Variants in TP63 observed in about 807,000 individuals in gnomAD.
TP63 encodes the protein tumor protein p63, also known as tumor protein 63.
Under a neutral mutation model 82.8 loss-of-function variants are expected in TP63, and 17 were observed. That is an observed-to-expected ratio of 0.21 (90% CI 0.14 to 0.31). TP63 has a LOEUF of 0.31. Ranked by LOEUF, TP63 falls within the 10% of genes least tolerant of loss-of-function variation. The probability of loss-of-function intolerance (pLI) is 1.00; values close to 1 mark genes in which losing one functional copy is unlikely to be tolerated. For synonymous variants in TP63, 330 were observed against 321.7 expected (o/e 1.03, Z -0.28); for missense variants, 648 against 895.3 (o/e 0.72, Z 3.52).
chr3:189,615,597 A>G, the TP63 span, among the ~76,000 whole-genome samples: 1 of 152,158 alleles, frequency 6.6e-6, no homozygotes, highest in Non-Finnish European at 1.5e-5. Context: ...CAAAATGTTC[A>G]TACTCAGTTT....
At chr3:189,666,624 C>T (rs7649943) in intron 1 of TP63, among the ~76,000 whole-genome samples, 133 of 152,036 alleles carry the variant, frequency 8.7e-4, no homozygotes, top group African/African-American at 2.7e-3. Flanking sequence ...AATAGGTAAA[C>T]AGTAAAATAG....
chr3:189,793,379 A>G (rs1725357944), intron 3 of TP63, among the ~76,000 whole-genome samples: 1 of 152,124 alleles, frequency 6.6e-6, no homozygotes, highest in South Asian at 2.1e-4. Context: ...TTCTAGAGCA[A>G]CCAAAAAAAT....
chr3:189,875,605 T>TATATATATATACAC (rs1560289093), intron 10 of TP63, among the ~76,000 whole-genome samples: 1 of 58,694 alleles, frequency 1.7e-5, no homozygotes, highest in Non-Finnish European at 3.9e-5. Context: ...TATATATATA[T>TATATATATATACAC]ATATATATAT....
chr3:189,809,092 A>G (rs1472848855), intron 4 of TP63, among the ~76,000 whole-genome samples: 1 of 152,082 alleles, frequency 6.6e-6, no homozygotes, highest in Non-Finnish European at 1.5e-5. Context: ...TTTATAATTT[A>G]TCAGTGAATT....
At chr3:189,688,232 C>G (rs1716599898) in intron 1 of TP63, among the ~76,000 whole-genome samples, 1 of 152,118 alleles carries the variant, frequency 6.6e-6, no homozygotes, top group Non-Finnish European at 1.5e-5. Flanking sequence ...TTGTCTTCCT[C>G]CATTTTAGAA....
Position 189,858,235 on chromosome 3 carries a change from CT to C in TP63, c.580-5996del, listed in dbSNP as rs1300135034. On this transcript the variant is annotated intron_variant, in intron 4 of 13. Transcript: ENST00000264731. ...CCTGGCTAACACGGTGAAACCCCGTCTCTACTAAAAATACAAAAAATTAGCC... is the reference window on the plus strand; with the variant it reads ...CCTGGCTAACACGGTGAAACCCCGTCCTACTAAAAATACAAAAAATTAGCC... Among the ~76,000 whole-genome samples the C allele has an allele frequency of 1.5e-3, 76 of 50,084 alleles. 23 individuals are homozygous for C. The highest frequency in any genetic ancestry group is 3.3e-3 in the African/African-American group (30 of 9,172). 32.9% of individuals were successfully genotyped at this position (50,084 alleles called of 152,430 possible).
the TP63 span, among the ~76,000 whole-genome samples, chr3:189,626,320 A>G: frequency 6.6e-6 from 1 of 152,074 alleles, no homozygotes; most frequent in South Asian, 2.1e-4. Flanking sequence ...AAAATCACCA[A>G]ACTCAGTCTC....
intron 3 of TP63, among the ~76,000 whole-genome samples, chr3:189,783,067 G>A (rs1724347243): frequency 6.6e-6 from 1 of 151,864 alleles, no homozygotes. Context: ...AATAATTTTT[G>A]CTGTATGATT....
intron 10 of TP63, among the ~76,000 whole-genome samples, chr3:189,878,385 C>CTTTTT (rs1203096619): frequency 1.9e-5 from 2 of 107,698 alleles, no homozygotes; most frequent in South Asian, 3.5e-4. Context: ...TTACAGTTTC[C>CTTTTT]TTTTTTTTTT....
At chr3:189,726,644 G>A (rs1719796942) in intron 1 of TP63, among the ~76,000 whole-genome samples, 2 of 152,106 alleles carry the variant, frequency 1.3e-5, no homozygotes, top group African/African-American at 4.8e-5. Flanking sequence ...AAAAAAATCA[G>A]GTGTGAACCG....
intron 1 of TP63, among the ~76,000 whole-genome samples, chr3:189,728,287 G>A (rs748175915): frequency 5.3e-5 from 8 of 152,124 alleles, no homozygotes; most frequent in Non-Finnish European, 1.2e-4. Flanking sequence ...TTAAGTGTCA[G>A]TATCTTATTA....
chr3:189,613,555 G>T, the TP63 span, among the ~76,000 whole-genome samples: 2 of 152,204 alleles, frequency 1.3e-5, no homozygotes, highest in African/African-American at 4.8e-5. Context: ...CCCACACAGA[G>T]TCCCTACTAG....
intron 4 of TP63, among the ~76,000 whole-genome samples, chr3:189,856,329 A>C (rs1716286130): frequency 6.6e-6 from 1 of 151,782 alleles, no homozygotes; most frequent in Non-Finnish European, 1.5e-5. Flanking sequence ...GATTTAAAAG[A>C]AATGCTTCAC....
chr3:189,750,602 A>G (rs895336953), intron 3 of TP63, among the ~76,000 whole-genome samples: 1 of 152,188 alleles, frequency 6.6e-6, no homozygotes, highest in Non-Finnish European at 1.5e-5. Flanking sequence ...CATGTAAAAT[A>G]TTATGTATCA....
intron 6 of TP63, 61 bp from the exon 7 acceptor site, chr3:189,867,772 G>T: frequency 1.4e-6 from 2 of 1,464,452 alleles, no homozygotes; most frequent in East Asian, 2.3e-5. Flanking sequence ...GGGAAGAACT[G>T]AGAAGGAACA....
In TP63 at chr3:189,806,170, A is replaced by G. The variant is rs149449644; in HGVS notation, c.325-2102A>G. Among the ~76,000 whole-genome samples the G allele has an allele frequency of 8.6e-3, 1,150 of 133,566 alleles. 11 individuals are homozygous for G. The highest frequency in any genetic ancestry group is 0.013 in the Non-Finnish European group (872 of 65,254). 87.6% of individuals were successfully genotyped at this position (133,566 alleles called of 152,430 possible). ...GGTCCCAAAACTTTTTTCTTCGTTT[A>G]TATTGGGTTAAAAAAAAAATCAAGG... On this transcript the variant is annotated intron_variant, in intron 3 of 13. Transcript: ENST00000264731.
chr3:189,825,380 A>T (rs558933918), intron 4 of TP63, among the ~76,000 whole-genome samples: 1 of 152,226 alleles, frequency 6.6e-6, no homozygotes, highest in Non-Finnish European at 1.5e-5. Flanking sequence ...TAGATAGAAA[A>T]GTATTAGGAA....
At chr3:189,649,608 G>A (rs1712719422) in intron 1 of TP63, among the ~76,000 whole-genome samples, 1 of 146,914 alleles carries the variant, frequency 6.8e-6, no homozygotes, top group South Asian at 2.2e-4. Flanking sequence ...ACTTGCACAT[G>A]TACCCCCAAA....
intron 3 of TP63, among the ~76,000 whole-genome samples, chr3:189,742,557 C>G (rs917849437): frequency 6.6e-6 from 1 of 152,168 alleles, no homozygotes; most frequent in East Asian, 1.9e-4. Flanking sequence ...GAGGCTTCAG[C>G]TCTAAGTATC....
Sources: allele counts gnomAD v4.1 joint callset (sites outside exome capture counted in the v4.1 genomes callset), GRCh38; gene constraint gnomAD v4.1.1; transcripts MANE v1.5; gene names NCBI Gene and HGNC (gene_info 2026-07-23, HGNC 2026-07-21).